Variants in NPAS3 observed in about 807,000 individuals in gnomAD.
NPAS3 encodes the protein neuronal PAS domain-containing protein 3.
A neutral mutation model predicts 73.1 loss-of-function variants in NPAS3; 14 were observed. That is an observed-to-expected ratio of 0.19 (90% CI 0.13 to 0.30). The LOEUF is 0.30. NPAS3 is among the 10% of genes least tolerant of loss of function. The pLI, the probability that NPAS3 is intolerant of heterozygous loss-of-function variation, is 1.00. For synonymous variants in NPAS3, 620 were observed against 541.5 expected, an observed-to-expected ratio of 1.14 and a Z score of -2.01; for missense variants, 1,096 against 1,250.0, an observed-to-expected ratio of 0.88 and a Z score of 1.86.
At chr14:33,207,429 T>A (rs1194947732) in intron 2 of NPAS3, among the ~76,000 whole-genome samples, 1 of 152,168 alleles carries the variant, frequency 6.6e-6, no homozygotes, top group Non-Finnish European at 1.5e-5. Context: ...ATTGATTTAA[T>A]GTACAGGACA....
In NPAS3 at chr14:33,371,814, A is replaced by AAT. The variant is rs1213861892; in HGVS notation, c.468+4546_468+4547insAT. 3.4e-3 allele frequency among the ~76,000 whole-genome samples: 514 copies of AAT among 152,320 alleles called. 2 individuals carry two copies. The highest frequency in any genetic ancestry group is 0.011 in the African/African-American group (451 of 41,572). ...ATTTTTACTGTGTACTAAGTTTCAG[A>AAT]TACTGTGCTAAGTTCTCTTCTTATA... is the stretch of plus-strand genomic sequence containing the variant. On this transcript the variant is annotated intron_variant, in intron 4 of 11. Transcript: ENST00000356141.
intron 2 of NPAS3, among the ~76,000 whole-genome samples, chr14:33,167,445 G>A (rs574044168): frequency 2.0e-5 from 3 of 151,972 alleles, no homozygotes; most frequent in South Asian, 2.1e-4. Context: ...ACACACGCAC[G>A]TATATTGTAA....
chr14:33,693,606 C>T lies in NPAS3; in HGVS notation c.733+17221C>T, dbSNP rs560521785. On this transcript the variant is annotated intron_variant, in intron 6 of 11. Transcript: ENST00000356141. ...TCCAGAAGTCCCATACAAACAGTAGCGTAAAGATCAGTTTCTTGTAATTAT... is the reference window on the plus strand; with the variant it reads ...TCCAGAAGTCCCATACAAACAGTAGTGTAAAGATCAGTTTCTTGTAATTAT... 4.6e-5 allele frequency among the ~76,000 whole-genome samples: 7 copies of T among 152,252 alleles called. No individual in the cohort carries two copies. In the East Asian group the frequency reaches 7.7e-4, roughly 17 times the overall value.
chr14:33,672,830 C>G (rs1030478492), intron 5 of NPAS3, among the ~76,000 whole-genome samples: 2 of 152,110 alleles, frequency 1.3e-5, no homozygotes, highest in Non-Finnish European at 2.9e-5. Flanking sequence ...TTTAACTTCT[C>G]GGGACTGTAG....
At chr14:33,500,172 C>G (rs1394573351) in intron 4 of NPAS3, among the ~76,000 whole-genome samples, 1 of 151,894 alleles carries the variant, frequency 6.6e-6, no homozygotes, top group Non-Finnish European at 1.5e-5. Context: ...ATCAAACCCA[C>G]AGAGTCTCTG....
chr14:33,625,327 T>C (rs1398243283), intron 5 of NPAS3, among the ~76,000 whole-genome samples: 1 of 152,240 alleles, frequency 6.6e-6, no homozygotes, highest in Non-Finnish European at 1.5e-5. Flanking sequence ...GAGACCACTT[T>C]TCCAGTTAGT....
At chr14:33,577,163 T>C (rs2056469085) in intron 5 of NPAS3, among the ~76,000 whole-genome samples, 1 of 152,190 alleles carries the variant, frequency 6.6e-6, no homozygotes, top group South Asian at 2.1e-4. Flanking sequence ...TGGTGTTCTT[T>C]AATTATAATT....
chr14:33,767,564 A>C (rs1595577114), intron 7 of NPAS3, among the ~76,000 whole-genome samples: 2 of 148,710 alleles, frequency 1.3e-5, no homozygotes, highest in South Asian at 2.1e-4. Context: ...CAAGTGAAAA[A>C]TCTCTGAAGA....
chr14:32,989,664 C>CAA (rs1416636037), intron 1 of NPAS3, among the ~76,000 whole-genome samples: 14 of 121,792 alleles, frequency 1.1e-4, no homozygotes, highest in Admixed American at 3.8e-4. Context: ...ACAACAACAA[C>CAA]AACAACAAAA....
chr14:33,643,305 C>T (rs1181179271), intron 5 of NPAS3, among the ~76,000 whole-genome samples: 1 of 144,952 alleles, frequency 6.9e-6, no homozygotes, highest in Non-Finnish European at 1.5e-5. Flanking sequence ...AATTGTTAGG[C>T]AGACACCCTT....
At chr14:33,130,195 G>C (rs1035320304) in intron 2 of NPAS3, among the ~76,000 whole-genome samples, 1 of 152,116 alleles carries the variant, frequency 6.6e-6, no homozygotes, top group African/African-American at 2.4e-5. Context: ...TGGAGGATTT[G>C]TTTTACTTCT....
At chr14:33,613,823 C>G (rs1008171305) in intron 5 of NPAS3, among the ~76,000 whole-genome samples, 1 of 152,194 alleles carries the variant, frequency 6.6e-6, no homozygotes, top group Non-Finnish European at 1.5e-5. Flanking sequence ...TCAAGGCTCA[C>G]AAGTCTCTCT....
chr14:33,662,183 C>T (rs1462351747), intron 5 of NPAS3, among the ~76,000 whole-genome samples: 1 of 152,178 alleles, frequency 6.6e-6, no homozygotes, highest in East Asian at 1.9e-4. Context: ...ATCTAGACGG[C>T]ATGGAAATGC....
chr14:33,252,653 T>C (rs1276569584), intron 3 of NPAS3, among the ~76,000 whole-genome samples: 1 of 150,760 alleles, frequency 6.6e-6, no homozygotes, highest in Non-Finnish European at 1.5e-5. Context: ...TTTTTTTTAA[T>C]TTCAGATTCA....
At chr14:33,708,894 G>A (rs980244860) in intron 6 of NPAS3, among the ~76,000 whole-genome samples, 11 of 152,184 alleles carry the variant, frequency 7.2e-5, no homozygotes, top group Non-Finnish European at 5.9e-5. Context: ...CTAGGGTTTG[G>A]TCATGCAGAG....
intron 4 of NPAS3, among the ~76,000 whole-genome samples, chr14:33,373,669 G>A (rs182448357): frequency 1.5e-4 from 23 of 152,218 alleles, no homozygotes; most frequent in African/African-American, 5.3e-4. Flanking sequence ...TGGAAATATT[G>A]TATCCATGTG....
At chr14:33,553,435 G>C (rs2055214566) in intron 4 of NPAS3, among the ~76,000 whole-genome samples, 1 of 152,174 alleles carries the variant, frequency 6.6e-6, no homozygotes, top group Non-Finnish European at 1.5e-5. Context: ...CACCTAAGAG[G>C]TTTCAATTTA....
intron 5 of NPAS3, among the ~76,000 whole-genome samples, chr14:33,582,970 G>GTTTTTTTTTGTT: frequency 1.1e-5 from 1 of 93,298 alleles, no homozygotes. Context: ...TATTTAAAGG[G>GTTTTTTTTTGTT]TTTTTTTTTT....
At chr14:33,646,361 T>TAAGAAA (rs1322919134) in intron 5 of NPAS3, among the ~76,000 whole-genome samples, 2 of 152,182 alleles carry the variant, frequency 1.3e-5, no homozygotes, top group Non-Finnish European at 2.9e-5. Flanking sequence ...TTCTTAAATT[T>TAAGAAA]ATTTAAGACC....
Sources: allele counts gnomAD v4.1 joint callset (sites outside exome capture counted in the v4.1 genomes callset), GRCh38; gene constraint gnomAD v4.1.1; transcripts MANE v1.5; gene names NCBI Gene and HGNC (gene_info 2026-07-23, HGNC 2026-07-21).